SUSD4: variants seen among roughly 807,000 people sequenced by gnomAD.
The protein encoded by SUSD4 is sushi domain-containing protein 4.
A neutral mutation model predicts 50.5 loss-of-function variants in SUSD4; 41 were observed. That is an observed-to-expected ratio of 0.81 (90% confidence interval 0.63 to 1.05). SUSD4 has a LOEUF of 1.05. SUSD4 is among the 50% of genes least tolerant of loss of function. The pLI is 0.00. For synonymous variants in SUSD4, 257 were observed against 257.3 expected, an observed-to-expected ratio of 1.00 and a Z score of 0.01; for missense variants, 580 against 634.7, an observed-to-expected ratio of 0.91 and a Z score of 0.93.
intron 3 of SUSD4, among the ~76,000 whole-genome samples, chr1:223,274,449 C>G (rs1663126119): frequency 6.6e-6 from 1 of 152,188 alleles, no homozygotes; most frequent in African/African-American, 2.4e-5. Flanking sequence ...TCTTTGAAAC[C>G]TGAAGAAGAA....
chr1:223,268,910 CA>C (rs1257901125), intron 3 of SUSD4, among the ~76,000 whole-genome samples: 1 of 152,058 alleles, frequency 6.6e-6, no homozygotes, highest in East Asian at 1.9e-4. Flanking sequence ...GATCCAACCA[CA>C]AAAAGAACTT....
intron 2 of SUSD4, among the ~76,000 whole-genome samples, chr1:223,293,482 T>C (rs569517110): frequency 6.6e-6 from 1 of 152,166 alleles, no homozygotes; most frequent in South Asian, 2.1e-4. Flanking sequence ...CTGTATTCAG[T>C]GCTCCATACC....
At chr1:223,344,796 G>A (rs1165499500) in intron 2 of SUSD4, among the ~76,000 whole-genome samples, 3 of 152,122 alleles carry the variant, frequency 2.0e-5, no homozygotes, top group African/African-American at 2.4e-5. Context: ...ATATGTACAC[G>A]TGGAGGGTAG....
chr1:223,265,528 G>A (rs968569350), intron 4 of SUSD4, among the ~76,000 whole-genome samples: 2 of 152,310 alleles, frequency 1.3e-5, no homozygotes, highest in African/African-American at 4.8e-5. Flanking sequence ...CCAACATCCA[G>A]GCACTGCTGC....
intron 2 of SUSD4, among the ~76,000 whole-genome samples, chr1:223,335,270 T>C (rs1196255851): frequency 6.6e-6 from 1 of 152,250 alleles, no homozygotes; most frequent in African/African-American, 2.4e-5. Flanking sequence ...ACAGTAGTTC[T>C]ACTTTTAGTT....
chr1:223,338,257 G>A (rs745395201), intron 2 of SUSD4, among the ~76,000 whole-genome samples: 111 of 152,210 alleles, frequency 7.3e-4, no homozygotes, highest in Admixed American at 6.9e-3. Flanking sequence ...AAGGGACCCC[G>A]AGGAGTGAGG....
At position 223,292,667 on chromosome 1, in the gene SUSD4, G is replaced by T. The variant is rs367744580; in HGVS notation, c.149-16C>A. ...TCATCGAACCCTACATCAACAAAGA[G>T]AGGAAAAGGTGCCTATGAATATGTT... On this transcript the variant is annotated splice_polypyrimidine_tract_variant and intron_variant, in intron 2 of 8. Coordinates refer to ENST00000366878, the MANE Select transcript of SUSD4 (RefSeq NM_017982.4). 7 of 1,612,112 alleles carry T rather than the reference G, an allele frequency of 4.3e-6. No homozygotes were observed. In the African/African-American group the frequency reaches 8.0e-5, roughly 18 times the overall value.
chr1:223,340,807 T>C (rs1260722265), intron 2 of SUSD4, among the ~76,000 whole-genome samples: 1 of 152,216 alleles, frequency 6.6e-6, no homozygotes, highest in Non-Finnish European at 1.5e-5. Flanking sequence ...CAAAGGCTGC[T>C]GAACTCCCCG....
intron 5 of SUSD4, among the ~76,000 whole-genome samples, chr1:223,262,769 T>C (rs1333860260): frequency 6.6e-6 from 1 of 152,182 alleles, no homozygotes; most frequent in African/African-American, 2.4e-5. Flanking sequence ...GGGATGTCTA[T>C]TGAAAACGGA....
chr1:223,277,168 T>C (rs1237438580), intron 3 of SUSD4, among the ~76,000 whole-genome samples: 1 of 152,244 alleles, frequency 6.6e-6, no homozygotes, highest in Non-Finnish European at 1.5e-5. Context: ...AAACTCATAT[T>C]GCACCTTTTC....
intron 2 of SUSD4, among the ~76,000 whole-genome samples, chr1:223,348,198 C>A (rs1668149301): frequency 6.6e-6 from 1 of 152,148 alleles, no homozygotes; most frequent in Non-Finnish European, 1.5e-5. Context: ...CATAATGCTT[C>A]AATATGTCAT....
At chr1:223,258,726 G>A (rs1661878720) in intron 5 of SUSD4, among the ~76,000 whole-genome samples, 1 of 152,190 alleles carries the variant, frequency 6.6e-6, no homozygotes, top group African/African-American at 2.4e-5. Flanking sequence ...GGTACCTGCA[G>A]ATCCTACAGT....
chr1:223,365,207 C>A (rs1296730862), upstream of SUSD4, among the ~76,000 whole-genome samples: 1 of 151,556 alleles, frequency 6.6e-6, no homozygotes, highest in African/African-American at 2.4e-5. Flanking sequence ...TCCCCTGTCT[C>A]TGCGCCGATT....
intron 2 of SUSD4, among the ~76,000 whole-genome samples, chr1:223,343,377 GA>G (rs1306507364): frequency 1.3e-5 from 2 of 152,052 alleles, no homozygotes; most frequent in Admixed American, 6.5e-5. Context: ...TTATTTTTGT[GA>G]TTATTGGATT....
At chr1:223,305,889 T>C (rs1289156246) in intron 2 of SUSD4, among the ~76,000 whole-genome samples, 1 of 152,210 alleles carries the variant, frequency 6.6e-6, no homozygotes, top group African/African-American at 2.4e-5. Flanking sequence ...GCACTCATGA[T>C]TGTAAACACA....
chr1:223,281,609 C>G (rs1241789615), intron 3 of SUSD4, among the ~76,000 whole-genome samples: 1 of 152,130 alleles, frequency 6.6e-6, no homozygotes, highest in South Asian at 2.1e-4. Flanking sequence ...GCCTACCAAC[C>G]AAAAAGAGTT....
intron 2 of SUSD4, among the ~76,000 whole-genome samples, chr1:223,356,148 C>A (rs538750677): frequency 1.3e-5 from 2 of 150,694 alleles, no homozygotes; most frequent in East Asian, 1.9e-4. Flanking sequence ...GCTATTTGAG[C>A]AACTCAATTA....
In SUSD4 at chr1:223,227,040, G is replaced by A. The variant is rs187087505; in HGVS notation, c.1061+554C>T. On this transcript the variant is annotated intron_variant, in intron 7 of 8. Transcript: ENST00000366878. The surrounding 1 kb of genome is among the most constrained non-coding windows in gnomAD (Gnocchi z 4.5). ...GTGCAGCTCAGAAGGATGTAGAAGC[G>A]CCTTCCACATGTCCCACTCCAGGGG... Among the ~76,000 whole-genome samples the A allele has an allele frequency of 2.6e-5, 4 of 152,260 alleles. No individual in the cohort carries two copies. Among genetic ancestry groups the A allele is most frequent in the Admixed American group, 2.6e-4 (4 of 15,300 alleles).
chr1:223,329,261 A>C (rs1043516581), intron 2 of SUSD4, among the ~76,000 whole-genome samples: 2 of 152,182 alleles, frequency 1.3e-5, no homozygotes, highest in Admixed American at 1.3e-4. Flanking sequence ...AAAATTTGGG[A>C]TTATCAATGG....
Sources: gnomAD v4.1 joint callset for allele counts (sites outside exome capture counted in the v4.1 genomes callset) on GRCh38, gnomAD v4.1.1 for gene constraint, Gnocchi (gnomAD v3.1) non-coding constraint, MANE v1.5 for transcripts, NCBI Gene and HGNC (gene_info 2026-07-23, HGNC 2026-07-21) for gene names.